Variants in SMCO2 observed in about 807,000 individuals in gnomAD.
SMCO2 encodes single-pass membrane protein with coiled-coil domains 2.
SMCO2 carries 25 observed loss-of-function variants against 29.5 expected under a neutral mutation model. The ratio of observed to expected loss-of-function variants is 0.85; its 90% CI spans 0.62 to 1.18. The LOEUF is 1.18. Ranked by LOEUF, SMCO2 falls within the 50% of genes most tolerant of loss-of-function variation. The pLI, the probability that SMCO2 is intolerant of heterozygous loss-of-function variation, is 0.00. For missense variants in SMCO2, 348 were observed against 344.5 expected, an observed-to-expected ratio of 1.01 and a Z score of -0.08; for synonymous variants, 117 against 123.3, an observed-to-expected ratio of 0.95 and a Z score of 0.34.
the SMCO2 span, among the ~76,000 whole-genome samples, chr12:27,452,337 C>T: frequency 6.6e-6 from 1 of 152,318 alleles, no homozygotes; most frequent in East Asian, 1.9e-4. Flanking sequence ...TCATCGTCCA[C>T]TCCCCTCCCA....
chr12:27,494,574 G>A (rs1166476448), intron 6 of SMCO2, among the ~76,000 whole-genome samples: 1 of 150,224 alleles, frequency 6.7e-6, no homozygotes, highest in African/African-American at 2.4e-5. Flanking sequence ...TGTTACATAG[G>A]TATACATGTC....
the SMCO2 span, among the ~76,000 whole-genome samples, chr12:27,426,882 G>T: frequency 6.6e-6 from 1 of 152,262 alleles, no homozygotes; most frequent in South Asian, 2.1e-4. Flanking sequence ...TGCTAAGGTG[G>T]ACATCTATAA....
chr12:27,452,770 G>C, the SMCO2 span, among the ~76,000 whole-genome samples: 1 of 152,200 alleles, frequency 6.6e-6, no homozygotes, highest in South Asian at 2.1e-4. Flanking sequence ...TTACAGATAA[G>C]AGCCACTATG....
chr12:27,424,784 A>G, the SMCO2 span: 1 of 152,208 alleles, frequency 6.6e-6, no homozygotes, highest in Non-Finnish European at 1.5e-5. Flanking sequence ...GCCATAAAGA[A>G]AAGCTGCTAA....
At chr12:27,435,584 C>G in the SMCO2 span, among the ~76,000 whole-genome samples, 1 of 149,534 alleles carries the variant, frequency 6.7e-6, no homozygotes, top group Admixed American at 6.6e-5. Context: ...GTCTCTGTCT[C>G]TCTCTCTCTT....
chr12:27,481,009 T>G (rs954891511), intron 4 of SMCO2, among the ~76,000 whole-genome samples: 1 of 152,148 alleles, frequency 6.6e-6, no homozygotes, highest in Non-Finnish European at 1.5e-5. Context: ...CCTTACCCTG[T>G]TCCCTGGGTG....
the SMCO2 span, among the ~76,000 whole-genome samples, chr12:27,451,330 G>A: frequency 0.79 from 119,610 of 151,938 alleles, 47,881 homozygotes; most frequent in African/African-American, 0.89. Flanking sequence ...GGGGAGAGGG[G>A]GACCCTGGGC....
the SMCO2 span, among the ~76,000 whole-genome samples, chr12:27,437,233 C>T: frequency 7.6e-4 from 115 of 152,090 alleles, no homozygotes; most frequent in Non-Finnish European, 1.4e-3. Context: ...ATGGTGCTAC[C>T]GTACTCCAGC....
the SMCO2 span, among the ~76,000 whole-genome samples, chr12:27,431,027 CT>C: frequency 0.076 from 11,073 of 146,458 alleles, 445 homozygotes; most frequent in Middle Eastern, 0.097. Context: ...AATTTACTAT[CT>C]TTTTTTTTTT....
At chr12:27,427,336 A>G in the SMCO2 span, among the ~76,000 whole-genome samples, 1 of 152,166 alleles carries the variant, frequency 6.6e-6, no homozygotes, top group Non-Finnish European at 1.5e-5. Context: ...GGGAATTTGC[A>G]TTTCCAGTAA....
At chr12:27,490,724 GT>G (rs1949728419) in intron 5 of SMCO2, among the ~76,000 whole-genome samples, 1 of 152,138 alleles carries the variant, frequency 6.6e-6, no homozygotes, top group Non-Finnish European at 1.5e-5. Flanking sequence ...GAGGTCCGGA[GT>G]TTGAGACCAG....
chr12:27,448,645 A>G, the SMCO2 span, among the ~76,000 whole-genome samples: 1 of 152,236 alleles, frequency 6.6e-6, no homozygotes, highest in East Asian at 1.9e-4. Flanking sequence ...GTTCTAAACA[A>G]AAGTAAACAA....
At chr12:27,426,790 G>A in the SMCO2 span, among the ~76,000 whole-genome samples, 5 of 152,278 alleles carry the variant, frequency 3.3e-5, no homozygotes, top group African/African-American at 9.6e-5. Context: ...ATGGGAAAGC[G>A]TTAAGTACCT....
chr12:27,501,415 C>CAAAAAAAAAAAAAA (rs540673188), intron 7 of SMCO2, among the ~76,000 whole-genome samples: 10 of 85,872 alleles, frequency 1.2e-4, no homozygotes, highest in South Asian at 4.4e-4. Flanking sequence ...GACTCCGTCT[C>CAAAAAAAAAAAAAA]AAAAAAAAAA....
chr12:27,435,853 T>C, the SMCO2 span, among the ~76,000 whole-genome samples: 2 of 152,224 alleles, frequency 1.3e-5, no homozygotes, highest in African/African-American at 4.8e-5. Flanking sequence ...CGTGGGGTTC[T>C]TGTTTCTCTT....
intron 2 of SMCO2, among the ~76,000 whole-genome samples, chr12:27,471,470 AT>A (rs541738683): frequency 1.0e-3 from 152 of 152,230 alleles, no homozygotes; most frequent in African/African-American, 3.5e-3. Context: ...CTAGGTTCAA[AT>A]CCCATAGACT....
the SMCO2 span, among the ~76,000 whole-genome samples, chr12:27,426,046 G>T: frequency 1.3e-5 from 2 of 152,162 alleles, no homozygotes; most frequent in African/African-American, 4.8e-5. Flanking sequence ...CTCAACCTTG[G>T]GTTGAAGTTT....
chr12:27,502,048 G>A lies in SMCO2; in HGVS notation c.809G>A (p.Arg270His), dbSNP rs778942397. ...GTGCTTCTGAGAATGCTTGGGTGCC[G>A]CACCACATGGGACCTACGGGAGATG... The change falls in exon 8 of 8, where the codon CGC becomes CAC. Residue 270 changes from arginine (R) to histidine (H), a missense_variant. By Grantham distance (29) the Arg-to-His change is conservative. Coordinates refer to ENST00000298876, the Ensembl canonical transcript of SMCO2. The A allele has an allele frequency of 1.1e-4, 176 of 1,547,774 alleles. 7 individuals are homozygous for A. In the South Asian group the frequency reaches 1.9e-3, roughly 17 times the overall value.
the SMCO2 span, among the ~76,000 whole-genome samples, chr12:27,461,174 T>A: frequency 6.6e-6 from 1 of 152,244 alleles, no homozygotes; most frequent in Non-Finnish European, 1.5e-5. Context: ...TAAGACAATG[T>A]AAATGCTATG....
Sources: allele counts gnomAD v4.1 joint callset (sites outside exome capture counted in the v4.1 genomes callset), GRCh38; gene constraint gnomAD v4.1.1; transcripts MANE v1.5; gene names NCBI Gene and HGNC (gene_info 2026-07-23, HGNC 2026-07-21).